The following KIF1B variants were observed in gnomAD, a reference collection of about 807,000 sequenced individuals.
The protein encoded by KIF1B is kinesin-like protein KIF1B.
KIF1B carries 76 observed loss-of-function variants against 241.9 expected under a neutral mutation model. The ratio of observed to expected loss-of-function variants is 0.31; its 90% CI spans 0.26 to 0.38. The LOEUF (loss-of-function observed/expected upper bound fraction) is 0.38, where lower values mean the gene tolerates loss of function less well. Among genes scored for constraint, KIF1B ranks in the 10% least tolerant of loss-of-function variants. The pLI, the probability that KIF1B is intolerant of heterozygous loss-of-function variation, is 1.00. For missense variants in KIF1B, 1,622 were observed against 2,271.4 expected (o/e 0.71, Z 5.81); for synonymous variants, 750 against 796.7 (o/e 0.94, Z 0.99).
intron 22 of KIF1B, chr1:10,305,026 A>G (rs941684167): frequency 1.8e-6 from 2 of 1,095,590 alleles, no homozygotes; most frequent in Admixed American, 9.3e-5. Flanking sequence ...TTATGCAGAC[A>G]TTCAAAAGGA....
chr1:10,371,598 A>C (rs553144899), intron 45 of KIF1B, among the ~76,000 whole-genome samples: 1 of 152,312 alleles, frequency 6.6e-6, no homozygotes, highest in South Asian at 2.1e-4. Context: ...AATATTTTGA[A>C]ACTGTTTTGG....
intron 33 of KIF1B, among the ~76,000 whole-genome samples, chr1:10,342,600 A>G (rs909374117): frequency 1.3e-5 from 2 of 152,214 alleles, no homozygotes; most frequent in Non-Finnish European, 1.5e-5. Context: ...TTTATTAGCT[A>G]AGACTTAGAG....
chr1:10,305,419 A>C, intron 22 of KIF1B: 6 of 1,055,344 alleles, frequency 5.7e-6, no homozygotes, highest in Non-Finnish European at 6.9e-6. Flanking sequence ...ACACACATGC[A>C]CACAAAGTGA....
chr1:10,350,617 T>C (rs1178104502), intron 37 of KIF1B, among the ~76,000 whole-genome samples: 1 of 152,246 alleles, frequency 6.6e-6, no homozygotes, highest in Non-Finnish European at 1.5e-5. Flanking sequence ...CTGTGGTTTC[T>C]ACTGGGGACA....
chr1:10,325,982 G>T lies in KIF1B; in HGVS notation c.2676-129G>T, dbSNP rs977225898. On this transcript the variant is annotated intron_variant, in intron 26 of 48. Coordinates refer to ENST00000676179, the MANE Select transcript of KIF1B (RefSeq NM_001365951.3). ...TGATTTATGCTTATTTTATCCTTTTGCTTTTCCATTTGCTTTTATTGTGTT... is the reference window on the plus strand; with the variant it reads ...TGATTTATGCTTATTTTATCCTTTTTCTTTTCCATTTGCTTTTATTGTGTT... 4.8e-6 allele frequency: 6 copies of T among 1,238,890 alleles called. No individual in the cohort carries two copies. The South Asian group carries it at 6.0e-5, about 12-fold the overall frequency. The allele number at this position is 1,238,890 out of a possible 1,614,324, so 76.7% of individuals were successfully genotyped here.
chr1:10,347,934 T>C, intron 36 of KIF1B, 107 bp downstream of exon 36: 2 of 982,864 alleles, frequency 2.0e-6, no homozygotes, highest in Admixed American at 3.8e-5. Flanking sequence ...TTTCAGAGGG[T>C]GGGCGGGGCA....
At chr1:10,313,160 G>A (rs1231922329) in intron 22 of KIF1B, among the ~76,000 whole-genome samples, 2 of 151,366 alleles carry the variant, frequency 1.3e-5, no homozygotes, top group African/African-American at 4.9e-5. Context: ...CTGCTGCCCT[G>A]GTTCAAGCGA....
chr1:10,268,401 C>T (rs896392090), intron 7 of KIF1B, 138 bp downstream of exon 7: 15 of 699,760 alleles, frequency 2.1e-5, no homozygotes, highest in African/African-American at 1.6e-4. Flanking sequence ...TTTTATACCT[C>T]TGCTTATCAT....
At chr1:10,234,716 G>A (rs114189674) in intron 2 of KIF1B, among the ~76,000 whole-genome samples, 2,816 of 151,214 alleles carry the variant, frequency 0.019, 41 homozygotes, top group Non-Finnish European at 0.028. Flanking sequence ...TAGAGACGGG[G>A]ACTCACTATA....
At position 10,379,319 on chromosome 1, in the gene KIF1B, G is replaced by C. The variant is rs190725532; in HGVS notation, c.*2732G>C. The C allele has an allele frequency of 2.2e-3, 519 of 231,326 alleles. 2 individuals carry two copies. Among genetic ancestry groups the C allele is most frequent in the African/African-American group, 0.011 (477 of 45,336 alleles). The allele number at this position is 231,326 out of a possible 1,614,324, so 14.3% of individuals were successfully genotyped here. A position where few individuals can be genotyped will look rare whatever the true frequency, so the allele number is the denominator to read the frequency against. On this transcript the variant is annotated 3_prime_UTR_variant, in exon 49 of 49. Coordinates refer to ENST00000676179, the MANE Select transcript of KIF1B (RefSeq NM_001365951.3). Reference sequence around the variant, plus strand: ...TAGAACAGGCCAAACTGGACTGTCTGTTCATAGCGTGCCTGAATAAGAAGG... The same window carrying C: ...TAGAACAGGCCAAACTGGACTGTCTCTTCATAGCGTGCCTGAATAAGAAGG...
chr1:10,331,506 A>T (rs1413299269), intron 27 of KIF1B, among the ~76,000 whole-genome samples: 2 of 152,030 alleles, frequency 1.3e-5, no homozygotes, highest in African/African-American at 2.4e-5. Context: ...TATTTTTGTT[A>T]TATGTTTCAT....
At chr1:10,372,669 A>G (rs1569926498) in intron 45 of KIF1B, among the ~76,000 whole-genome samples, 1 of 116,820 alleles carries the variant, frequency 8.6e-6, no homozygotes, top group Non-Finnish European at 1.7e-5. Flanking sequence ...CAGAGCTGTC[A>G]CCCAAGCTGG....
At chr1:10,343,415 C>G in intron 34 of KIF1B, 128 bp downstream of exon 34, 1 of 890,596 alleles carries the variant, frequency 1.1e-6, no homozygotes, top group Non-Finnish European at 1.8e-6. Flanking sequence ...ATTCCTGCTC[C>G]TCTTGTATGT....
intron 22 of KIF1B, among the ~76,000 whole-genome samples, chr1:10,314,872 T>A (rs1445817096): frequency 6.6e-6 from 1 of 151,710 alleles, no homozygotes; most frequent in African/African-American, 2.4e-5. Context: ...TTGACCAGCC[T>A]GTCAACTTAT....
At chr1:10,216,609 G>T (rs1646769873) in intron 1 of KIF1B, among the ~76,000 whole-genome samples, 1 of 152,038 alleles carries the variant, frequency 6.6e-6, no homozygotes, top group Non-Finnish European at 1.5e-5. Flanking sequence ...GTAGTCCGAG[G>T]TCTCCCTTAA....
chr1:10,250,219 G>A (rs1039976236), intron 2 of KIF1B, among the ~76,000 whole-genome samples: 5 of 152,054 alleles, frequency 3.3e-5, no homozygotes, highest in Non-Finnish European at 5.9e-5. Flanking sequence ...AAAAATTAAC[G>A]TATGTGTAAG....
rs1414518361 is a variant in KIF1B at position 10,268,028 on chromosome 1, C to G, written c.609-124C>G. On this transcript the variant is annotated intron_variant, in intron 6 of 48. Coordinates refer to ENST00000676179, the MANE Select transcript of KIF1B (RefSeq NM_001365951.3). The stretch of plus-strand genomic sequence containing the variant: ...AGCAATTGTGTAAGTGACAATCTTG[C>G]AATCTGTGAATAAGTTTAAGACTAT... 4 of 740,966 alleles carry G rather than the reference C, an allele frequency of 5.4e-6. No individual in the cohort carries two copies. The African/African-American group carries it at 6.9e-5, about 13-fold the overall frequency. 45.9% of individuals were successfully genotyped at this position (740,966 alleles called of 1,614,324 possible).
At chr1:10,319,354 G>A (rs541997194) in intron 22 of KIF1B, among the ~76,000 whole-genome samples, 18 of 152,136 alleles carry the variant, frequency 1.2e-4, no homozygotes, top group Non-Finnish European at 2.1e-4. Context: ...ACCCACCTCG[G>A]CCTCCCAAAG....
chr1:10,266,851 A>G (rs975382774), intron 5 of KIF1B, among the ~76,000 whole-genome samples: 1 of 152,194 alleles, frequency 6.6e-6, no homozygotes, highest in Non-Finnish European at 1.5e-5. Context: ...GTTCTAACCT[A>G]TTCAGTGTAA....
Sources: gnomAD v4.1 joint callset for allele counts (sites outside exome capture counted in the v4.1 genomes callset) on GRCh38, gnomAD v4.1.1 for gene constraint, MANE v1.5 for transcripts, NCBI Gene and HGNC (gene_info 2026-07-23, HGNC 2026-07-21) for gene names.